The following SLC8A1 variants were observed in gnomAD, a reference collection of about 807,000 sequenced individuals.
SLC8A1 encodes solute carrier family 8 member A1.
SLC8A1 carries 18 observed loss-of-function variants against 68.3 expected under a neutral mutation model. The observed-to-expected ratio is 0.26, with a 90% CI of 0.18 to 0.39. The LOEUF (loss-of-function observed/expected upper bound fraction) is 0.39. Ranked by LOEUF, SLC8A1 falls within the 10% of genes least tolerant of loss-of-function variation. The probability of loss-of-function intolerance (pLI) is 1.00; values close to 1 mark genes in which losing one functional copy is unlikely to be tolerated. For missense variants in SLC8A1, 985 were observed against 1,156.7 expected (o/e 0.85, Z 2.15); for synonymous variants, 475 against 415.5 (o/e 1.14, Z -1.74).
At chr2:40,322,421 G>A (rs2149344427) in intron 2 of SLC8A1, among the ~76,000 whole-genome samples, 1 of 151,268 alleles carries the variant, frequency 6.6e-6, no homozygotes, top group Non-Finnish European at 1.5e-5. Context: ...GCTTTGGGAG[G>A]CCATGGTAGG....
At chr2:40,455,691 C>T (rs1458835629), upstream of SLC8A1, among the ~76,000 whole-genome samples, 4 of 152,166 alleles carry the variant, frequency 2.6e-5, no homozygotes, top group East Asian at 7.7e-4. Flanking sequence ...ATCCAGGGTT[C>T]TTTGCTTTGG....
chr2:40,343,330 T>A (rs2149416222), intron 2 of SLC8A1, among the ~76,000 whole-genome samples: 1 of 152,294 alleles, frequency 6.6e-6, no homozygotes, highest in East Asian at 1.9e-4. Context: ...AACATCACCA[T>A]GAACTTAAAA....
intron 2 of SLC8A1, among the ~76,000 whole-genome samples, chr2:40,271,959 T>C (rs1234595284): frequency 1.3e-5 from 2 of 152,136 alleles, no homozygotes; most frequent in Non-Finnish European, 2.9e-5. Flanking sequence ...CTCGATGTCT[T>C]GGGCTCAAGC....
intron 2 of SLC8A1, among the ~76,000 whole-genome samples, chr2:40,317,330 T>C (rs1272215882): frequency 2.6e-5 from 4 of 152,090 alleles, no homozygotes; most frequent in Non-Finnish European, 4.4e-5. Flanking sequence ...TGTAATCATA[T>C]TGGTTTTATG....
At chr2:40,385,621 G>T (rs1683315278) in intron 2 of SLC8A1, among the ~76,000 whole-genome samples, 1 of 151,110 alleles carries the variant, frequency 6.6e-6, no homozygotes, top group Non-Finnish European at 1.5e-5. Context: ...TTAAACTTTG[G>T]CAGGCTGAAG....
chr2:40,170,955 C>T (rs1011428153), intron 4 of SLC8A1, among the ~76,000 whole-genome samples: 3 of 152,108 alleles, frequency 2.0e-5, no homozygotes, highest in African/African-American at 7.2e-5. Context: ...GGTAGGCCAT[C>T]GTCACAGCAA....
intron 2 of SLC8A1, among the ~76,000 whole-genome samples, chr2:40,331,940 A>G (rs1057163836): frequency 8.6e-5 from 13 of 151,682 alleles, no homozygotes; most frequent in African/African-American, 3.1e-4. Context: ...TTTTCTCTCC[A>G]TGTATTTATT....
chr2:40,195,050 C>G (rs1015528919), intron 2 of SLC8A1, among the ~76,000 whole-genome samples: 1 of 152,104 alleles, frequency 6.6e-6, no homozygotes, highest in African/African-American at 2.4e-5. Context: ...CTCATAGCAT[C>G]ATGTAGCAGA....
chr2:40,188,095 G>A (rs2051033844), intron 2 of SLC8A1, among the ~76,000 whole-genome samples: 1 of 152,130 alleles, frequency 6.6e-6, no homozygotes, highest in Non-Finnish European at 1.5e-5. Context: ...CAAAATAGAT[G>A]CAAATTGATT....
chr2:40,475,226 C>G (rs907150507), intron 1 of SLC8A1, among the ~76,000 whole-genome samples: 1 of 152,174 alleles, frequency 6.6e-6, no homozygotes, highest in African/African-American at 2.4e-5. Flanking sequence ...CTCCGTCTCC[C>G]GGGTTCACGC....
intron 1 of SLC8A1, among the ~76,000 whole-genome samples, chr2:40,502,066 A>T (rs1053766458): frequency 1.3e-5 from 2 of 152,120 alleles, no homozygotes; most frequent in African/African-American, 4.8e-5. Flanking sequence ...CTCCAACAGG[A>T]TTCTGATATG....
intron 2 of SLC8A1, among the ~76,000 whole-genome samples, chr2:40,268,716 A>G (rs146207994): frequency 8.5e-5 from 13 of 152,276 alleles, no homozygotes; most frequent in African/African-American, 2.4e-4. Flanking sequence ...AGCAAACTCC[A>G]AAGTCCTCAA....
chr2:40,234,085 C>G (rs1188995111), intron 2 of SLC8A1, among the ~76,000 whole-genome samples: 1 of 152,176 alleles, frequency 6.6e-6, no homozygotes, highest in Non-Finnish European at 1.5e-5. Flanking sequence ...GATGCAGGCT[C>G]TTTTTTGGTT....
chr2:40,434,234 C>A (rs1182635275), intron 1 of SLC8A1, among the ~76,000 whole-genome samples: 1 of 152,124 alleles, frequency 6.6e-6, no homozygotes, highest in African/African-American at 2.4e-5. Context: ...AAAAACATTA[C>A]AATTATATTC....
intron 2 of SLC8A1, among the ~76,000 whole-genome samples, chr2:40,396,964 G>A (rs1367762711): frequency 6.6e-6 from 1 of 152,006 alleles, no homozygotes; most frequent in Admixed American, 6.6e-5. Flanking sequence ...AGGTTTCAGG[G>A]TTTAAATCTG....
At chr2:40,510,352 A>G (rs1489615955) in intron 1 of SLC8A1, among the ~76,000 whole-genome samples, 2 of 152,182 alleles carry the variant, frequency 1.3e-5, no homozygotes, top group Non-Finnish European at 2.9e-5. Context: ...TATTACTTAT[A>G]TTATGCTTCT....
chr2:40,443,723 C>T (rs1700931693), intron 1 of SLC8A1, among the ~76,000 whole-genome samples: 1 of 152,182 alleles, frequency 6.6e-6, no homozygotes. Flanking sequence ...CTCTACTGAC[C>T]AGTCATATGT....
chr2:40,361,576 A>T (rs1674646032), intron 2 of SLC8A1, among the ~76,000 whole-genome samples: 1 of 151,916 alleles, frequency 6.6e-6, no homozygotes, highest in South Asian at 2.1e-4. Context: ...CCATCAAGAC[A>T]ATCTGAAGTG....
intron 2 of SLC8A1, among the ~76,000 whole-genome samples, chr2:40,193,915 A>G (rs2052405422): frequency 2.6e-5 from 4 of 152,110 alleles, no homozygotes; most frequent in African/African-American, 9.7e-5. Context: ...AAGCTGAATA[A>G]ATAAAGAAAA....
Sources: gnomAD v4.1 joint callset for allele counts (sites outside exome capture counted in the v4.1 genomes callset) on GRCh38, gnomAD v4.1.1 for gene constraint, MANE v1.5 for transcripts, NCBI Gene and HGNC (gene_info 2026-07-23, HGNC 2026-07-21) for gene names.